ZNF98: variants seen among roughly 807,000 people sequenced by gnomAD.
ZNF98 encodes the protein zinc finger protein 739.
A neutral mutation model predicts 12.8 loss-of-function variants in ZNF98; 8 were observed. The ratio of observed to expected loss-of-function variants is 0.63; its 90% CI spans 0.37 to 1.13. The LOEUF (loss-of-function observed/expected upper bound fraction) is 1.13, where lower values mean the gene tolerates loss of function less well. Ranked by LOEUF, ZNF98 falls within the 50% of genes most tolerant of loss-of-function variation. The pLI, the probability that ZNF98 is intolerant of heterozygous loss-of-function variation, is 0.01. For synonymous variants in ZNF98, 112 were observed against 223.5 expected, an observed-to-expected ratio of 0.50 and a Z score of 4.45; for missense variants, 379 against 666.1, an observed-to-expected ratio of 0.57 and a Z score of 4.74.
At position 22,391,469 on chromosome 19, in the gene ZNF98, A is replaced by G; in HGVS notation, c.*47T>C. On this transcript the variant is annotated 3_prime_UTR_variant, in exon 4 of 4. Coordinates refer to ENST00000357774, the MANE Select transcript of ZNF98 (RefSeq NM_001098626.2). ...TCCAGAATGAATTACCTTACCTACA[A>G]TCCAGTGTGATAACCATTTAAAGGC... The G allele has an allele frequency of 6.6e-7, 1 of 1,505,944 alleles. No individual in the cohort carries two copies. Among genetic ancestry groups the G allele is most frequent in the Non-Finnish European group, 8.9e-7 (1 of 1,127,446 alleles). The allele number at this position is 1,505,944 out of a possible 1,614,324, so 93.3% of individuals were successfully genotyped here. A position where few individuals can be genotyped will look rare whatever the true frequency, so the allele number is the denominator to read the frequency against.
At chr19:22,404,506 G>A (rs941024593) in intron 1 of ZNF98, among the ~76,000 whole-genome samples, 1 of 151,968 alleles carries the variant, frequency 6.6e-6, no homozygotes, top group Non-Finnish European at 1.5e-5. Flanking sequence ...ATAATGAAGA[G>A]AAAAATAATG....
intron 1 of ZNF98, among the ~76,000 whole-genome samples, chr19:22,417,766 G>C (rs943728888): frequency 2.0e-5 from 3 of 152,136 alleles, no homozygotes; most frequent in Admixed American, 2.0e-4. Flanking sequence ...AAATTTCTCA[G>C]CATGGTGCCT....
rs541929063 is a variant in ZNF98, at chr19:22,418,565, TTTC to T, written c.30+3627_30+3629del. On this transcript the variant is annotated intron_variant, in intron 1 of 3. Transcript: ENST00000357774. ...ATAGCCAAACAAAGACTGTGCACAT[TTTC>T]TTCTTCTTCTAATTTTAAAAAATCA... 4.6e-5 allele frequency among the ~76,000 whole-genome samples: 7 copies of T among 152,308 alleles called. No individual in the cohort carries two copies. The South Asian group carries it at 6.2e-4, about 14-fold the overall frequency.
chr19:22,406,377 A>G (rs1470844031), intron 1 of ZNF98, among the ~76,000 whole-genome samples: 2 of 152,146 alleles, frequency 1.3e-5, no homozygotes, highest in African/African-American at 4.8e-5. Flanking sequence ...CACAGCAACC[A>G]TACAGAAGAG....
intron 1 of ZNF98, among the ~76,000 whole-genome samples, chr19:22,404,125 C>T (rs1170077355): frequency 1.3e-5 from 2 of 152,186 alleles, no homozygotes; most frequent in Non-Finnish European, 2.9e-5. Context: ...GAGGCTGAGG[C>T]AGGAGAATGG....
chr19:22,412,732 G>T (rs966583973), intron 1 of ZNF98, among the ~76,000 whole-genome samples: 1 of 152,044 alleles, frequency 6.6e-6, no homozygotes, highest in Non-Finnish European at 1.5e-5. Context: ...ATCGAGTAGG[G>T]TTTATTTTTG....
chr19:22,393,847 A>T (rs1050247230), intron 3 of ZNF98, among the ~76,000 whole-genome samples: 3 of 152,182 alleles, frequency 2.0e-5, no homozygotes, highest in East Asian at 1.9e-4. Context: ...GATCTAATTA[A>T]ACTAAAGAGC....
In ZNF98 at chr19:22,391,359, T is replaced by A; in HGVS notation, c.*157A>T. On this transcript the variant is annotated 3_prime_UTR_variant, in exon 4 of 4. Transcript: ENST00000357774. ...TTTCTTTATATTTGTACATTTGTTC[T>A]CATCAAGTATAAAGGCTTTCCTGTG... The A allele has an allele frequency of 7.2e-7, 1 of 1,398,522 alleles. No individual in the cohort carries two copies. The allele number at this position is 1,398,522 out of a possible 1,614,324, so 86.6% of individuals were successfully genotyped here.
chr19:22,410,592 G>C (rs1442820211), intron 1 of ZNF98, among the ~76,000 whole-genome samples: 1 of 152,152 alleles, frequency 6.6e-6, no homozygotes, highest in Non-Finnish European at 1.5e-5. Context: ...ACAAACCAGG[G>C]CCTGTTGTGA....
intron 3 of ZNF98, among the ~76,000 whole-genome samples, chr19:22,398,197 G>T (rs1969418842): frequency 6.6e-6 from 1 of 152,168 alleles, no homozygotes; most frequent in South Asian, 2.1e-4. Context: ...AAATGAGCCA[G>T]CCACAAACAG....
At chr19:22,395,383 A>C (rs913498798) in intron 3 of ZNF98, among the ~76,000 whole-genome samples, 3 of 151,904 alleles carry the variant, frequency 2.0e-5, no homozygotes, top group African/African-American at 7.3e-5. Context: ...TCCAAATCTC[A>C]TTCCAGATTA....
intron 3 of ZNF98, chr19:22,402,553 G>A: frequency 2.1e-6 from 1 of 470,780 alleles, no homozygotes; most frequent in East Asian, 3.4e-5. Context: ...TGTCTTGGCT[G>A]TCACTGTAAA....
intron 1 of ZNF98, among the ~76,000 whole-genome samples, chr19:22,417,166 T>G (rs1362033382): frequency 7.6e-6 from 1 of 131,534 alleles, no homozygotes; most frequent in Non-Finnish European, 1.5e-5. Context: ...GAAGCGGAGG[T>G]TGCGGTGAGC....
At chr19:22,415,993 A>ACACACT (rs1360254701) in intron 1 of ZNF98, among the ~76,000 whole-genome samples, 2 of 144,322 alleles carry the variant, frequency 1.4e-5, no homozygotes, top group Non-Finnish European at 3.0e-5. Flanking sequence ...ACACACACAC[A>ACACACT]CTTAGCTGGG....
chr19:22,411,082 GC>G (rs1212803565), intron 1 of ZNF98, among the ~76,000 whole-genome samples: 3 of 150,574 alleles, frequency 2.0e-5, no homozygotes, highest in African/African-American at 7.3e-5. Flanking sequence ...TCGCTCTGTT[GC>G]CCAGGCTAGA....
chr19:22,416,655 G>C (rs1191932304), intron 1 of ZNF98, among the ~76,000 whole-genome samples: 1 of 151,766 alleles, frequency 6.6e-6, no homozygotes, highest in Non-Finnish European at 1.5e-5. Flanking sequence ...TGGAGGCTGA[G>C]GCAGAAGAAT....
At chr19:22,397,212 T>TTGTGTGTGTGTGTGTG (rs3084811) in intron 3 of ZNF98, among the ~76,000 whole-genome samples, 2 of 145,220 alleles carry the variant, frequency 1.4e-5, no homozygotes, top group African/African-American at 5.2e-5. Context: ...GTGTGTGTTT[T>TTGTGTGTGTGTGTGTG]TGTGTGTGTG....
rs1217992468 is a variant in ZNF98 at position 22,391,984 on chromosome 19, C to A, written c.1251G>T (p.Arg417=). ...KCEVCSKAFS[R]FSHLTTHKRI... ...TCTTATGTGTAGTAAGGTGTGAGAA[C>A]CGGCTAAAGGCTTTGCTACATACTT... Residue 417 remains arginine, a synonymous_variant, in exon 4 of 4, where the codon CGG becomes CGT. Coordinates refer to ENST00000357774, the MANE Select transcript of ZNF98 (RefSeq NM_001098626.2). The A allele has an allele frequency of 6.4e-7, 1 of 1,550,468 alleles. No homozygotes were observed. The highest frequency in any genetic ancestry group is 2.4e-5 in the East Asian group (1 of 41,856).
chr19:22,422,318 G>C lies in ZNF98; in HGVS notation c.-94C>G, dbSNP rs11669356. ...CACAGAAGGGCGAAGACGAGACCAGGAACTCCGGCTGCAGCGAGAGACAAA... is the reference window on the plus strand; with the variant it reads ...CACAGAAGGGCGAAGACGAGACCAGCAACTCCGGCTGCAGCGAGAGACAAA... On this transcript the variant is annotated 5_prime_UTR_variant, in exon 1 of 4. Coordinates refer to ENST00000357774, the MANE Select transcript of ZNF98 (RefSeq NM_001098626.2). 6.7e-7 allele frequency: 1 copy of C among 1,484,520 alleles called. No individual in the cohort carries two copies. The highest frequency in any genetic ancestry group is 1.7e-5 in the Admixed American group (1 of 59,044). 92.0% of individuals were successfully genotyped at this position (1,484,520 alleles called of 1,614,324 possible).
Sources: allele counts gnomAD v4.1 joint callset (sites outside exome capture counted in the v4.1 genomes callset), GRCh38; gene constraint gnomAD v4.1.1; transcripts MANE v1.5; gene names NCBI Gene and HGNC (gene_info 2026-07-23, HGNC 2026-07-21).